The following GPM6B variants were observed in gnomAD, a reference collection of about 807,000 sequenced individuals.
The protein encoded by GPM6B is neuronal membrane glycoprotein M6-b.
Under a neutral mutation model 27.2 loss-of-function variants are expected in GPM6B, and 4 were observed. That is an observed-to-expected ratio of 0.15 (90% CI 0.07 to 0.34). The LOEUF (loss-of-function observed/expected upper bound fraction) is 0.34. Ranked by LOEUF, GPM6B falls within the 10% of genes least tolerant of loss-of-function variation. GPM6B has a pLI of 1.00. For missense variants in GPM6B, 183 were observed against 261.9 expected, an observed-to-expected ratio of 0.70 and a Z score of 2.08; for synonymous variants, 124 against 103.1, an observed-to-expected ratio of 1.20 and a Z score of -1.23.
At chrX:13,857,914 G>C (rs1174428427) in intron 1 of GPM6B, among the ~76,000 whole-genome samples, 2 of 112,343 alleles carry the variant, frequency 1.8e-5, no homozygotes, top group East Asian at 5.6e-4. Context: ...CCGCAATAAG[G>C]ATTAGTTCAT....
chrX:13,906,453 A>G (rs766035268), intron 1 of GPM6B, among the ~76,000 whole-genome samples: 28 of 111,931 alleles, frequency 2.5e-4, no homozygotes, highest in Non-Finnish European at 4.5e-4. Context: ...ATTTGACTCT[A>G]CTGGTCACTA....
At position 13,891,088 on chromosome X, in the gene GPM6B, G is replaced by A. The variant is rs192325078; in HGVS notation, c.-198+47239C>T. Among the ~76,000 whole-genome samples the A allele has an allele frequency of 3.6e-3, 404 of 111,157 alleles. 2 individuals carry two copies. The highest frequency in any genetic ancestry group is 0.032 in the Middle Eastern group (7 of 216). ...CAAGGTTGAGAGCCACTGAACTAGT[G>A]TTTAGATTGATGCAAAAGTAATTTC... On this transcript the variant is annotated intron_variant, in intron 1 of 6. Transcript: ENST00000398361.
In GPM6B at chrX:13,772,754, TGAGACA is replaced by T; in HGVS notation, c.*121_*126del. 1.7e-6 allele frequency: 1 copy of T among 571,859 alleles called. No individual in the cohort carries two copies. Among genetic ancestry groups the T allele is most frequent in the Non-Finnish European group, 2.7e-6 (1 of 370,856 alleles). 47.1% of individuals were successfully genotyped at this position (571,859 alleles called of 1,213,427 possible). On this transcript the variant is annotated 3_prime_UTR_variant, in exon 8 of 8. Transcript: ENST00000316715. ...TTCCTAGAGATACATCCCAGCAGCT[TGAGACA>T]GACAGTGAAGTGTTTGTACATCTAC...
At chrX:13,836,443 G>C (rs141991213) in intron 1 of GPM6B, among the ~76,000 whole-genome samples, 76 of 112,193 alleles carry the variant, frequency 6.8e-4, no homozygotes, top group African/African-American at 2.3e-3. Context: ...TCTAACCCTA[G>C]TTTCTATCCA....
rs147316693 is a variant in GPM6B, at chrX:13,886,505, G to A, written c.-198+51822C>T. ...CATTACAGGGCATGGAAGGGATAGA[G>A]TCCCTATATAATCCCAGTCATTCCA... is the stretch of plus-strand genomic sequence containing the variant. On this transcript the variant is annotated intron_variant, in intron 1 of 6. Coordinates refer to the GPM6B transcript ENST00000398361. 4.6e-3 allele frequency among the ~76,000 whole-genome samples: 504 copies of A among 108,387 alleles called. 4 individuals are homozygous for A. The highest frequency in any genetic ancestry group is 0.016 in the African/African-American group (483 of 29,484). The allele number at this position is 108,387 out of a possible 115,157, so 94.1% of individuals were successfully genotyped here.
At chrX:13,938,133 G>GA (rs1921934418) in intron 1 of GPM6B, among the ~76,000 whole-genome samples, 1 of 110,114 alleles carries the variant, frequency 9.1e-6, no homozygotes, top group Admixed American at 9.5e-5. Flanking sequence ...AGCGTCCCGG[G>GA]AAACAGGCAA....
chrX:13,803,809 C>T (rs1475310396), intron 2 of GPM6B, among the ~76,000 whole-genome samples: 1 of 111,595 alleles, frequency 9.0e-6, no homozygotes, highest in Non-Finnish European at 1.9e-5. Flanking sequence ...CCCAAACCCC[C>T]TCATGAGACA....
At chrX:13,824,861 A>T (rs2049353172) in intron 1 of GPM6B, among the ~76,000 whole-genome samples, 1 of 112,196 alleles carries the variant, frequency 8.9e-6, no homozygotes, top group Non-Finnish European at 1.9e-5. Context: ...ATTCTCTCAC[A>T]GTTCTGGAGC....
intron 2 of GPM6B, among the ~76,000 whole-genome samples, chrX:13,795,456 A>C (rs889551505): frequency 9.0e-6 from 1 of 111,705 alleles, no homozygotes; most frequent in Admixed American, 9.5e-5. Flanking sequence ...CCTGTGAGAA[A>C]TTTGAGTTTT....
intron 2 of GPM6B, among the ~76,000 whole-genome samples, chrX:13,799,623 T>TA (rs370001783): frequency 9.1e-6 from 1 of 110,113 alleles, no homozygotes; most frequent in African/African-American, 3.3e-5. Context: ...TCATGAGTGC[T>TA]AAAAATAAAG....
chrX:13,850,170 G>A (rs1296313160), intron 1 of GPM6B, among the ~76,000 whole-genome samples: 1 of 112,462 alleles, frequency 8.9e-6, no homozygotes, highest in Non-Finnish European at 1.9e-5. Flanking sequence ...AGAGGTGTTT[G>A]AGTCACGGAG....
At chrX:13,786,386 T>C (rs2048613777) in intron 2 of GPM6B, among the ~76,000 whole-genome samples, 1 of 112,087 alleles carries the variant, frequency 8.9e-6, no homozygotes, top group Admixed American at 9.4e-5. Flanking sequence ...AGCAAGGTGA[T>C]TGTTTTGGAA....
intron 1 of GPM6B, among the ~76,000 whole-genome samples, chrX:13,933,041 C>T (rs1921653778): frequency 1.6e-5 from 1 of 62,570 alleles, no homozygotes; most frequent in African/African-American, 9.4e-5. Flanking sequence ...CGTAATTTAC[C>T]CTATTTTAGC....
chrX:13,929,312 G>A (rs1389919351), intron 1 of GPM6B, among the ~76,000 whole-genome samples: 2 of 111,193 alleles, frequency 1.8e-5, no homozygotes, highest in Non-Finnish European at 3.8e-5. Context: ...ATTTCCCCAG[G>A]AGGTTGGCCT....
At chrX:13,781,758 C>T (rs906152084) in intron 4 of GPM6B, among the ~76,000 whole-genome samples, 3 of 111,962 alleles carry the variant, frequency 2.7e-5, no homozygotes, top group Non-Finnish European at 3.8e-5. Context: ...AAATGTCTCA[C>T]GTCTCCCTAA....
chrX:13,923,066 C>T (rs916096530), intron 1 of GPM6B, among the ~76,000 whole-genome samples: 8 of 111,208 alleles, frequency 7.2e-5, no homozygotes, highest in Admixed American at 3.8e-4. Context: ...ATCTTAGCTA[C>T]TTGGGAGGCT....
intron 1 of GPM6B, among the ~76,000 whole-genome samples, chrX:13,887,098 C>T (rs1212252836): frequency 8.9e-6 from 1 of 112,321 alleles, no homozygotes; most frequent in Non-Finnish European, 1.9e-5. Flanking sequence ...GGATTACAGG[C>T]GTGAGTCACT....
intron 1 of GPM6B, among the ~76,000 whole-genome samples, chrX:13,856,474 A>G (rs901816714): frequency 8.9e-6 from 1 of 111,955 alleles, no homozygotes; most frequent in African/African-American, 3.3e-5. Context: ...CATTTTAACA[A>G]GATCCCCAGG....
At chrX:13,838,851 G>A (rs2049537669) in intron 1 of GPM6B, among the ~76,000 whole-genome samples, 1 of 111,430 alleles carries the variant, frequency 9.0e-6, no homozygotes, top group Non-Finnish European at 1.9e-5. Flanking sequence ...GCTCAGCTCT[G>A]CCCATCCTCC....
Sources: gnomAD v4.1 joint callset for allele counts (sites outside exome capture counted in the v4.1 genomes callset) on GRCh38, gnomAD v4.1.1 for gene constraint, MANE v1.5 for transcripts, NCBI Gene and HGNC (gene_info 2026-07-23, HGNC 2026-07-21) for gene names.